NR1H4: variants seen among roughly 807,000 people sequenced by gnomAD.
The protein encoded by NR1H4 is nuclear receptor subfamily 1 group H member 4, also known as bile acid receptor.
Under a neutral mutation model 58.5 loss-of-function variants are expected in NR1H4, and 23 were observed. The observed-to-expected ratio is 0.39, with a 90% CI of 0.28 to 0.56. The LOEUF is 0.56. NR1H4 is among the 20% of genes least tolerant of loss of function. NR1H4 has a pLI of 0.58. For missense variants in NR1H4, 487 were observed against 576.9 expected (o/e 0.84, Z 1.60); for synonymous variants, 214 against 198.0 (o/e 1.08, Z -0.68).
At chr12:100,560,146 C>A (rs1340456053) in intron 9 of NR1H4, among the ~76,000 whole-genome samples, 3 of 152,146 alleles carry the variant, frequency 2.0e-5, no homozygotes, top group Non-Finnish European at 4.4e-5. Flanking sequence ...CTGATGGGGA[C>A]GTGGAGAACC....
chr12:100,489,628 A>G (rs1435713161), intron 1 of NR1H4, among the ~76,000 whole-genome samples: 1 of 152,208 alleles, frequency 6.6e-6, no homozygotes, highest in Non-Finnish European at 1.5e-5. Context: ...TGCAGGCAAT[A>G]GTTTACCAAC....
At chr12:100,477,358 A>G (rs1352545745) in intron 1 of NR1H4, among the ~76,000 whole-genome samples, 5 of 152,122 alleles carry the variant, frequency 3.3e-5, no homozygotes, top group Non-Finnish European at 5.9e-5. Context: ...GTATAAATAT[A>G]AAATAAATTT....
rs149482055 is a variant in NR1H4, at chr12:100,549,088, C to T, written c.1078+8270C>T. Among the ~76,000 whole-genome samples, 261 of 152,230 alleles carry T rather than the reference C, an allele frequency of 1.7e-3. 3 individuals carry two copies. The Middle Eastern group carries it at 0.034, about 20-fold the overall frequency. ...GCACAGTGGCTCACACCTGTAATCC[C>T]AGCACTTCGGGAGGCCAACGTGGGC... On this transcript the variant is annotated intron_variant, in intron 9 of 10. Transcript: ENST00000392986.
At chr12:100,476,445 GC>G (rs1953273139) in intron 1 of NR1H4, among the ~76,000 whole-genome samples, 1 of 152,178 alleles carries the variant, frequency 6.6e-6, no homozygotes, top group South Asian at 2.1e-4. Flanking sequence ...TCCGTTATCA[GC>G]GTTTTAATTA....
chr12:100,519,509 C>T (rs1443638929), intron 4 of NR1H4, among the ~76,000 whole-genome samples: 1 of 152,150 alleles, frequency 6.6e-6, no homozygotes, highest in Non-Finnish European at 1.5e-5. Context: ...ACTCTTCCAT[C>T]ACGTCTGGCC....
rs368843289 is a variant in NR1H4, at chr12:100,520,367, T to A, written c.445+9224T>A. Among the ~76,000 whole-genome samples the A allele has an allele frequency of 5.9e-5, 9 of 152,052 alleles. No individual in the cohort carries two copies. The East Asian group carries it at 1.7e-3, about 29-fold the overall frequency. On this transcript the variant is annotated intron_variant, in intron 4 of 10. Transcript: ENST00000392986. ...AACAATTCAAGCAGAAAAGAATTAA[T>A]ACAGAAGTTGGAAGAGTCAGAGTAA...
intron 6 of NR1H4, 88 bp downstream of exon 6, chr12:100,535,111 A>G: frequency 1.4e-6 from 2 of 1,443,992 alleles, no homozygotes; most frequent in Non-Finnish European, 1.9e-6. Context: ...TTCAAATTAA[A>G]GCCACAGGCA....
chr12:100,545,658 A>G lies in NR1H4; in HGVS notation c.1078+4840A>G, dbSNP rs952943409. ...CCTTGTCTCAAAAAAAAAAAAAAAA[A>G]AAAAAAAAAAACCAAACGGGGGGCA... On this transcript the variant is annotated intron_variant, in intron 9 of 10. Transcript: ENST00000392986. Among the ~76,000 whole-genome samples the G allele has an allele frequency of 4.3e-3, 639 of 147,228 alleles. 62 individuals carry two copies. Among genetic ancestry groups the G allele is most frequent in the Non-Finnish European group, 6.1e-3 (408 of 67,088 alleles).
intron 4 of NR1H4, among the ~76,000 whole-genome samples, chr12:100,516,883 C>T (rs1954281510): frequency 6.6e-6 from 1 of 151,992 alleles, no homozygotes; most frequent in African/African-American, 2.4e-5. Context: ...ATCTTATGTC[C>T]ATTTTATTTT....
intron 1 of NR1H4, among the ~76,000 whole-genome samples, chr12:100,486,876 T>A (rs1317144844): frequency 6.6e-6 from 1 of 151,690 alleles, no homozygotes; most frequent in Admixed American, 6.6e-5. Context: ...CTTTAAAAAA[T>A]CAGATATATT....
chr12:100,518,988 A>G (rs762330411), intron 4 of NR1H4, among the ~76,000 whole-genome samples: 2 of 151,878 alleles, frequency 1.3e-5, no homozygotes, highest in South Asian at 2.1e-4. Flanking sequence ...GGGTTTCACC[A>G]TGTTGGCTAG....
intron 3 of NR1H4, among the ~76,000 whole-genome samples, chr12:100,508,104 C>T (rs546530603): frequency 6.6e-6 from 1 of 151,818 alleles, no homozygotes; most frequent in South Asian, 2.1e-4. Flanking sequence ...AACATGACTG[C>T]CAGGGACCTA....
intron 9 of NR1H4, among the ~76,000 whole-genome samples, chr12:100,551,322 T>C (rs562109417): frequency 1.3e-5 from 2 of 152,328 alleles, no homozygotes; most frequent in Admixed American, 1.3e-4. Context: ...TTATTTTTGT[T>C]ATATGATTTC....
chr12:100,515,744 G>T (rs1021674930), intron 4 of NR1H4, among the ~76,000 whole-genome samples: 10 of 152,202 alleles, frequency 6.6e-5, no homozygotes, highest in African/African-American at 2.4e-4. Flanking sequence ...TACATATCGT[G>T]TAATGGCAAT....
intron 3 of NR1H4, among the ~76,000 whole-genome samples, chr12:100,501,732 G>T (rs1479669259): frequency 1.3e-5 from 2 of 152,122 alleles, no homozygotes; most frequent in African/African-American, 4.8e-5. Flanking sequence ...TTTCAAAATT[G>T]CTTTCATATT....
intron 1 of NR1H4, among the ~76,000 whole-genome samples, chr12:100,489,534 T>C (rs1953563303): frequency 6.6e-6 from 1 of 152,194 alleles, no homozygotes; most frequent in African/African-American, 2.4e-5. Flanking sequence ...ATATTCTTCT[T>C]TTGTTTTTTT....
rs781560252 is a variant in NR1H4 at position 100,511,124 on chromosome 12, G to A, written c.426G>A (p.Leu142=). The A allele has an allele frequency of 4.8e-5, 77 of 1,614,244 alleles. 1 individual carries two copies. The South Asian group carries it at 7.6e-4, about 16-fold the overall frequency. Residue 142 remains leucine (L), a synonymous_variant, in exon 4 of 11, where the codon CTG becomes CTA. Transcript: ENST00000392986. ...CCTCTGGATACCACTATAATGCACT[G>A]ACCTGTGAGGGGTGTAAAGGTAAGC... ...DRASGYHYNA[L]TCEGCKGFFR...
chr12:100,537,774 C>T (rs2136244542), intron 8 of NR1H4, among the ~76,000 whole-genome samples: 1 of 152,322 alleles, frequency 6.6e-6, no homozygotes, highest in East Asian at 1.9e-4. Context: ...AGTGCAATGG[C>T]ATGATCTTGG....
chr12:100,546,539 T>TA (rs368588547), intron 9 of NR1H4, among the ~76,000 whole-genome samples: 4 of 151,778 alleles, frequency 2.6e-5, no homozygotes, highest in African/African-American at 4.8e-5. Flanking sequence ...ATTAAAAATA[T>TA]AAAAAATTAG....
Sources: allele counts gnomAD v4.1 joint callset (sites outside exome capture counted in the v4.1 genomes callset), GRCh38; gene constraint gnomAD v4.1.1; transcripts MANE v1.5; gene names NCBI Gene and HGNC (gene_info 2026-07-23, HGNC 2026-07-21).